The following EXOC4 variants were observed in gnomAD, a reference collection of about 807,000 sequenced individuals.
The protein encoded by EXOC4 is exocyst complex component 4, also known as SEC8-like 1.
In EXOC4, 71 loss-of-function variants were observed where a neutral mutation model predicts 107.2. The observed-to-expected ratio is 0.66, with a 90% CI of 0.55 to 0.81. The LOEUF (loss-of-function observed/expected upper bound fraction) is 0.81, where lower values mean the gene tolerates loss of function less well. Among genes scored for constraint, EXOC4 ranks in the 30% least tolerant of loss-of-function variants. The probability of loss-of-function intolerance (pLI) is 0.00; values close to 1 mark genes in which losing one functional copy is unlikely to be tolerated. For synonymous variants in EXOC4, 456 were observed against 441.2 expected (o/e 1.03, Z -0.42); for missense variants, 1,108 against 1,189.6 (o/e 0.93, Z 1.01).
intron 10 of EXOC4, among the ~76,000 whole-genome samples, chr7:133,722,045 G>A (rs1795114599): frequency 6.6e-6 from 1 of 152,132 alleles, no homozygotes; most frequent in South Asian, 2.1e-4. Flanking sequence ...TTAAAGTAAG[G>A]GACAGAGATG....
intron 11 of EXOC4, among the ~76,000 whole-genome samples, chr7:133,843,677 T>A (rs1798066068): frequency 6.6e-6 from 1 of 152,198 alleles, no homozygotes; most frequent in South Asian, 2.1e-4. Flanking sequence ...CTGATTGCTG[T>A]GTCCAGGACT....
At chr7:134,072,121 C>G in the EXOC4 span, among the ~76,000 whole-genome samples, 1 of 152,214 alleles carries the variant, frequency 6.6e-6, no homozygotes, top group South Asian at 2.1e-4. Flanking sequence ...CAGTTGGAGG[C>G]TGGAGATAAC....
At chr7:133,474,966 T>C (rs555705039) in intron 7 of EXOC4, among the ~76,000 whole-genome samples, 7 of 152,340 alleles carry the variant, frequency 4.6e-5, no homozygotes, top group South Asian at 2.1e-4. Flanking sequence ...GTAAATGTTA[T>C]GGCATTGCTG....
At chr7:134,002,027 C>G (rs376218111) in intron 15 of EXOC4, among the ~76,000 whole-genome samples, 1 of 152,192 alleles carries the variant, frequency 6.6e-6, no homozygotes, top group African/African-American at 2.4e-5. Context: ...CAGTAGCAAT[C>G]AGTGTGCTAG....
At chr7:133,711,904 T>G (rs1794900386) in intron 10 of EXOC4, among the ~76,000 whole-genome samples, 1 of 152,226 alleles carries the variant, frequency 6.6e-6, no homozygotes, top group South Asian at 2.1e-4. Context: ...GGATTTATTT[T>G]TCTCTTTGAC....
At chr7:133,670,154 A>T (rs920950159) in intron 10 of EXOC4, among the ~76,000 whole-genome samples, 12 of 152,200 alleles carry the variant, frequency 7.9e-5, no homozygotes, top group Admixed American at 2.6e-4. Flanking sequence ...TGGTGCCTAC[A>T]TTGCTAAGGT....
At chr7:134,084,024 G>A in the EXOC4 span, among the ~76,000 whole-genome samples, 1 of 152,188 alleles carries the variant, frequency 6.6e-6, no homozygotes, top group South Asian at 2.1e-4. Context: ...ATAGCAAACA[G>A]AAAGGATCCC....
intron 10 of EXOC4, among the ~76,000 whole-genome samples, chr7:133,667,187 A>G (rs1793837788): frequency 6.6e-6 from 1 of 152,220 alleles, no homozygotes; most frequent in Non-Finnish European, 1.5e-5. Flanking sequence ...ACCCTAAGTA[A>G]TCGAGGAGAG....
intron 10 of EXOC4, among the ~76,000 whole-genome samples, chr7:133,773,727 T>C (rs1796291327): frequency 6.6e-6 from 1 of 152,038 alleles, no homozygotes; most frequent in African/African-American, 2.4e-5. Flanking sequence ...TGCACTTATG[T>C]ACTCATTCAT....
chr7:134,089,224 C>A, the EXOC4 span, among the ~76,000 whole-genome samples: 2 of 152,300 alleles, frequency 1.3e-5, no homozygotes, highest in East Asian at 3.9e-4. Context: ...CCACAACTTG[C>A]TGAAATCTTC....
Position 134,030,902 on chromosome 7 carries a change from G to A in EXOC4, c.2687+23067G>A, listed in dbSNP as rs1321223833. ...ACCTCCTGGCCTTCCAAGAAGTTTT[G>A]CATCTTTCCCTATAACTTTTATAAC... On this transcript the variant is annotated intron_variant, in intron 17 of 17. Coordinates refer to ENST00000253861, the MANE Select transcript of EXOC4 (RefSeq NM_021807.4). 2.0e-5 allele frequency among the ~76,000 whole-genome samples: 3 copies of A among 152,088 alleles called. No individual in the cohort carries two copies. The East Asian group carries it at 5.8e-4, about 29-fold the overall frequency.
At position 133,690,852 on chromosome 7, in the gene EXOC4, G is replaced by T. The variant is rs190021860; in HGVS notation, c.1514+60711G>T. ...GTGGGGAAGTGACTAGGAATATGGG[G>T]GAAACTAATGGAAGATAGGATTATT... On this transcript the variant is annotated intron_variant, in intron 10 of 17. Coordinates refer to ENST00000253861, the MANE Select transcript of EXOC4 (RefSeq NM_021807.4). 3.7e-3 allele frequency among the ~76,000 whole-genome samples: 559 copies of T among 152,166 alleles called. 3 individuals carry two copies. The highest frequency in any genetic ancestry group is 6.8e-3 in the Middle Eastern group (2 of 294).
rs566685493 is a variant in EXOC4, at chr7:133,590,861, C to T, written c.1418-39184C>T. ...GGATACAGAGGGCTGTCACACTGAG[C>T]TGTTAAACACTTAGCCATCGATGGA... On this transcript the variant is annotated intron_variant, in intron 9 of 17. Coordinates refer to ENST00000253861, the MANE Select transcript of EXOC4 (RefSeq NM_021807.4). 6.6e-5 allele frequency among the ~76,000 whole-genome samples: 10 copies of T among 152,320 alleles called. No homozygotes were observed. The East Asian group carries it at 1.9e-3, about 29-fold the overall frequency.
rs144332992 is a variant in EXOC4, at chr7:133,629,921, G to A, written c.1418-124G>A. The A allele has an allele frequency of 4.2e-3, 2,748 of 651,206 alleles. 7 individuals are homozygous for A. The highest frequency in any genetic ancestry group is 5.9e-3 in the Non-Finnish European group (2,138 of 363,484). The allele number at this position is 651,206 out of a possible 1,614,324, so 40.3% of individuals were successfully genotyped here. The stretch of plus-strand genomic sequence containing the variant: ...CATTCAAAATAATTTCGTACATACC[G>A]AAGGTTACTGTTTGCAAAGATGGTC... On this transcript the variant is annotated intron_variant, in intron 9 of 17. Coordinates refer to ENST00000253861, the MANE Select transcript of EXOC4 (RefSeq NM_021807.4).
At chr7:133,791,924 T>G (rs1291309295) in intron 10 of EXOC4, among the ~76,000 whole-genome samples, 1 of 152,194 alleles carries the variant, frequency 6.6e-6, no homozygotes, top group Non-Finnish European at 1.5e-5. Context: ...ACTTTTATTC[T>G]TACGTCTAAA....
At chr7:133,345,787 T>A (rs753886478) in intron 5 of EXOC4, among the ~76,000 whole-genome samples, 17 of 152,184 alleles carry the variant, frequency 1.1e-4, no homozygotes, top group Admixed American at 5.9e-4. Flanking sequence ...AACTCCTCAC[T>A]TCATGGAAAT....
chr7:133,788,712 C>G lies in EXOC4; in HGVS notation c.1515-28613C>G, dbSNP rs530602390. ...TTCACCAAGTTGGCCAGGCTGGTCT[C>G]GAACTCCTGACCTCAGGTGATCCAC... On this transcript the variant is annotated intron_variant, in intron 10 of 17. Transcript: ENST00000253861. Among the ~76,000 whole-genome samples the G allele has an allele frequency of 1.8e-4, 28 of 152,218 alleles. No homozygotes were observed. The South Asian group carries it at 4.2e-3, about 23-fold the overall frequency.
At chr7:134,022,914 C>G (rs560148086) in intron 17 of EXOC4, among the ~76,000 whole-genome samples, 1 of 152,186 alleles carries the variant, frequency 6.6e-6, no homozygotes, top group Non-Finnish European at 1.5e-5. Flanking sequence ...CTTGTTCATT[C>G]CTGATCAGTG....
chr7:133,449,602 G>C (rs554892490), intron 7 of EXOC4, among the ~76,000 whole-genome samples: 2 of 151,876 alleles, frequency 1.3e-5, no homozygotes, highest in Non-Finnish European at 2.9e-5. Context: ...TGTTCTTTTT[G>C]TAAGTTCCTT....
Sources: allele counts gnomAD v4.1 joint callset (sites outside exome capture counted in the v4.1 genomes callset), GRCh38; gene constraint gnomAD v4.1.1; transcripts MANE v1.5; gene names NCBI Gene and HGNC (gene_info 2026-07-23, HGNC 2026-07-21).